Variants in MECOM observed in about 807,000 individuals in gnomAD.
The protein encoded by MECOM is histone-lysine N-methyltransferase MECOM.
In MECOM, 13 loss-of-function variants were observed where a neutral mutation model predicts 116.3. The ratio of observed to expected loss-of-function variants is 0.11; its 90% CI spans 0.07 to 0.18. MECOM has a LOEUF of 0.18. Among genes scored for constraint, MECOM ranks in the 10% least tolerant of loss-of-function variants. The pLI, the probability that MECOM is intolerant of heterozygous loss-of-function variation, is 1.00. For missense variants in MECOM, 1,299 were observed against 1,509.0 expected (o/e 0.86, Z 2.31); for synonymous variants, 528 against 535.2 (o/e 0.99, Z 0.19).
chr3:169,232,832 C>A (rs1753564567), intron 2 of MECOM, among the ~76,000 whole-genome samples: 1 of 152,056 alleles, frequency 6.6e-6, no homozygotes. Context: ...CAGTTTTTCT[C>A]AGCTTAAACT....
At chr3:169,434,085 G>A (rs1742225557) in intron 1 of MECOM, among the ~76,000 whole-genome samples, 1 of 152,066 alleles carries the variant, frequency 6.6e-6, no homozygotes, top group Non-Finnish European at 1.5e-5. Flanking sequence ...TTCAAATTTA[G>A]TTTATTTAGA....
intron 2 of MECOM, among the ~76,000 whole-genome samples, chr3:169,300,451 T>A (rs747238623): frequency 1.3e-5 from 2 of 152,202 alleles, no homozygotes; most frequent in Non-Finnish European, 2.9e-5. Context: ...CTCACAACAT[T>A]TTAGTTAACC....
chr3:169,496,495 T>C (rs549109902), intron 1 of MECOM, among the ~76,000 whole-genome samples: 3 of 152,328 alleles, frequency 2.0e-5, no homozygotes, highest in Non-Finnish European at 2.9e-5. Context: ...AATGTGTTTT[T>C]TCAGGAAGCT....
chr3:169,111,834 C>G (rs544061972), intron 9 of MECOM, among the ~76,000 whole-genome samples: 1 of 152,082 alleles, frequency 6.6e-6, no homozygotes, highest in South Asian at 2.1e-4. Flanking sequence ...GAACCATATC[C>G]CATGATCTTT....
intron 1 of MECOM, among the ~76,000 whole-genome samples, chr3:169,610,863 T>C (rs1769178808): frequency 6.6e-6 from 1 of 152,200 alleles, no homozygotes; most frequent in Non-Finnish European, 1.5e-5. Flanking sequence ...GGCTGGCACA[T>C]AGTAGATGCA....
At chr3:169,132,440 G>A (rs978518102) in intron 3 of MECOM, among the ~76,000 whole-genome samples, 10 of 151,914 alleles carry the variant, frequency 6.6e-5, no homozygotes, top group Non-Finnish European at 4.4e-5. Flanking sequence ...AAGCTTTTAA[G>A]CATGAAAATC....
At chr3:169,615,880 T>C (rs1015094427) in intron 1 of MECOM, among the ~76,000 whole-genome samples, 3 of 152,250 alleles carry the variant, frequency 2.0e-5, no homozygotes, top group Non-Finnish European at 2.9e-5. Context: ...ACATAAATGT[T>C]AACCAAAAAC....
chr3:169,239,724 G>T (rs1754545737), intron 2 of MECOM, among the ~76,000 whole-genome samples: 1 of 151,902 alleles, frequency 6.6e-6, no homozygotes, highest in South Asian at 2.1e-4. Flanking sequence ...TTCTAAATAA[G>T]TAAAGAATAG....
intron 2 of MECOM, among the ~76,000 whole-genome samples, chr3:169,309,458 C>T (rs1244616353): frequency 6.6e-6 from 1 of 152,066 alleles, no homozygotes; most frequent in Non-Finnish European, 1.5e-5. Context: ...GTCCTTTCTT[C>T]CAAAAACTAA....
intron 2 of MECOM, among the ~76,000 whole-genome samples, chr3:169,247,154 A>G (rs1408450527): frequency 6.6e-6 from 1 of 152,196 alleles, no homozygotes; most frequent in Admixed American, 6.5e-5. Flanking sequence ...AACTTTTTGT[A>G]TAACCCTATC....
chr3:169,293,448 G>A (rs190359486), intron 2 of MECOM, among the ~76,000 whole-genome samples: 6 of 152,162 alleles, frequency 3.9e-5, no homozygotes, highest in African/African-American at 7.2e-5. Context: ...TTTCTTCTTC[G>A]GCCGCCTTGG....
intron 1 of MECOM, among the ~76,000 whole-genome samples, chr3:169,598,945 A>G (rs1767485441): frequency 6.6e-6 from 1 of 152,200 alleles, no homozygotes. Flanking sequence ...CTTAATGAAT[A>G]TGATATGTGA....
rs1176570925 is a variant in MECOM, at chr3:169,191,780, AAG to A, written c.376-47950_376-47949del. Among the ~76,000 whole-genome samples, 214 of 141,108 alleles carry A rather than the reference AAG, an allele frequency of 1.5e-3. 1 individual carries two copies. The highest frequency in any genetic ancestry group is 5.6e-3 in the African/African-American group (209 of 37,136). The allele number at this position is 141,108 out of a possible 152,430, so 92.6% of individuals were successfully genotyped here. On this transcript the variant is annotated intron_variant, in intron 2 of 16. Transcript: ENST00000651503. ...AAAGAAAGAAAGAAAGAAAGAAAGAAAGAAAGAAAGAAAGGGAGGGAAGGATA... is the reference window on the plus strand; with the variant it reads ...AAAGAAAGAAAGAAAGAAAGAAAGAAAAAGAAAGAAAGGGAGGGAAGGATA...
chr3:169,103,063 C>G (rs1724128013), intron 10 of MECOM, among the ~76,000 whole-genome samples: 1 of 150,164 alleles, frequency 6.7e-6, no homozygotes, highest in East Asian at 2.0e-4. Flanking sequence ...TTTTGTACAC[C>G]TGCACACTTA....
intron 1 of MECOM, among the ~76,000 whole-genome samples, chr3:169,402,917 A>G (rs1736121587): frequency 6.6e-6 from 1 of 152,162 alleles, no homozygotes; most frequent in African/African-American, 2.4e-5. Context: ...TCCTCAGGAA[A>G]GGCTCCAAAA....
At chr3:169,241,846 T>A (rs1011077808) in intron 2 of MECOM, among the ~76,000 whole-genome samples, 14 of 152,240 alleles carry the variant, frequency 9.2e-5, no homozygotes, top group Admixed American at 7.9e-4. Flanking sequence ...TTCTTTATAG[T>A]CTTTAAGCTT....
chr3:169,085,949 C>T (rs1717580895), intron 16 of MECOM, among the ~76,000 whole-genome samples: 1 of 152,164 alleles, frequency 6.6e-6, no homozygotes, highest in South Asian at 2.1e-4. Flanking sequence ...TGTCAAAATG[C>T]TGCTGAAGTG....
intron 8 of MECOM, among the ~76,000 whole-genome samples, chr3:169,113,183 A>G (rs1172384555): frequency 6.6e-6 from 1 of 152,132 alleles, no homozygotes; most frequent in African/African-American, 2.4e-5. Context: ...GTACCTTTCC[A>G]TTCCAAATGT....
At chr3:169,275,065 T>A (rs929907025) in intron 2 of MECOM, among the ~76,000 whole-genome samples, 1 of 152,224 alleles carries the variant, frequency 6.6e-6, no homozygotes, top group African/African-American at 2.4e-5. Context: ...TAGCAAAGTT[T>A]CTAGCAGAGT....
Sources: gnomAD v4.1 joint callset for allele counts (sites outside exome capture counted in the v4.1 genomes callset) on GRCh38, gnomAD v4.1.1 for gene constraint, MANE v1.5 for transcripts, NCBI Gene and HGNC (gene_info 2026-07-23, HGNC 2026-07-21) for gene names.